Variants in DSCAM observed in about 807,000 individuals in gnomAD.
The protein encoded by DSCAM is DS cell adhesion molecule, also known as cell adhesion molecule DSCAM.
A neutral mutation model predicts 217.7 loss-of-function variants in DSCAM; 47 were observed. The ratio of observed to expected loss-of-function variants is 0.22; its 90% CI spans 0.17 to 0.28. The LOEUF (loss-of-function observed/expected upper bound fraction) is 0.28. Ranked by LOEUF, DSCAM falls within the 10% of genes least tolerant of loss-of-function variation. DSCAM has a pLI of 1.00. For missense variants in DSCAM, 2,080 were observed against 2,618.3 expected (o/e 0.79, Z 4.49); for synonymous variants, 1,056 against 1,015.3 (o/e 1.04, Z -0.76).
chr21:40,289,772 G>T (rs183140669), intron 10 of DSCAM, among the ~76,000 whole-genome samples: 1 of 152,190 alleles, frequency 6.6e-6, no homozygotes, highest in Non-Finnish European at 1.5e-5. Context: ...ATCCCCTGGG[G>T]GTCTTGGGGC....
At chr21:40,235,997 T>C (rs1444483794) in intron 11 of DSCAM, among the ~76,000 whole-genome samples, 1 of 152,230 alleles carries the variant, frequency 6.6e-6, no homozygotes, top group African/African-American at 2.4e-5. Context: ...GTGGCTGTAT[T>C]ATCAAGTACC....
At chr21:40,842,806 G>A (rs536029814) in intron 1 of DSCAM, among the ~76,000 whole-genome samples, 3 of 152,222 alleles carry the variant, frequency 2.0e-5, no homozygotes, top group South Asian at 4.2e-4. Flanking sequence ...CTGATCCCCC[G>A]AGGCAGCAAA....
intron 4 of DSCAM, among the ~76,000 whole-genome samples, chr21:40,359,046 G>A (rs1039947175): frequency 1.3e-5 from 2 of 152,054 alleles, no homozygotes; most frequent in Non-Finnish European, 1.5e-5. Context: ...ATATTACTAG[G>A]CATTAGGGTA....
chr21:40,089,888 G>A (rs1181128135), intron 21 of DSCAM, among the ~76,000 whole-genome samples: 1 of 151,978 alleles, frequency 6.6e-6, no homozygotes, highest in Non-Finnish European at 1.5e-5. Flanking sequence ...AAAAATCCAC[G>A]CAATAGAGCA....
intron 11 of DSCAM, among the ~76,000 whole-genome samples, chr21:40,268,530 ATT>A (rs2123354236): frequency 6.6e-6 from 1 of 151,746 alleles, no homozygotes; most frequent in South Asian, 2.1e-4. Flanking sequence ...AATAGGCGCA[ATT>A]ACCCCAAAGT....
At position 40,739,958 on chromosome 21, in the gene DSCAM, T is replaced by A. The variant is rs1054969854; in HGVS notation, c.44-31187A>T. ...CCTCTAGATGATGCAGGTGTAATTT[T>A]TTTTTTTTTTTTTTTTTTTTTTTTT... On this transcript the variant is annotated intron_variant, in intron 1 of 32. Transcript: ENST00000400454. Among the ~76,000 whole-genome samples, 32 of 51,222 alleles carry A rather than the reference T, an allele frequency of 6.2e-4. No individual in the cohort carries two copies. In the African/African-American group the frequency reaches 8.4e-3, roughly 13 times the overall value. The allele number at this position is 51,222 out of a possible 152,430, so 33.6% of individuals were successfully genotyped here. A position where few individuals can be genotyped will look rare whatever the true frequency, so the allele number is the denominator to read the frequency against.
chr21:40,473,714 G>A (rs1311476929), intron 3 of DSCAM, among the ~76,000 whole-genome samples: 2 of 152,138 alleles, frequency 1.3e-5, no homozygotes, highest in African/African-American at 2.4e-5. Flanking sequence ...GCCTACAAAG[G>A]GGTGATTAAG....
At chr21:40,286,517 T>C (rs1356375041) in intron 10 of DSCAM, among the ~76,000 whole-genome samples, 1 of 152,220 alleles carries the variant, frequency 6.6e-6, no homozygotes, top group Non-Finnish European at 1.5e-5. Flanking sequence ...CTGGGCCCTA[T>C]GAACGTGCTC....
At chr21:40,205,973 T>C (rs2091121411) in intron 11 of DSCAM, among the ~76,000 whole-genome samples, 1 of 152,194 alleles carries the variant, frequency 6.6e-6, no homozygotes, top group African/African-American at 2.4e-5. Flanking sequence ...ATATTCGACA[T>C]GGAACTATCT....
rs1389115948 is a variant in DSCAM at position 40,075,079 on chromosome 21, C to G, written c.4846G>C (p.Val1616Leu). 2 of 1,614,196 alleles carry G rather than the reference C, an allele frequency of 1.2e-6. No individual in the cohort carries two copies. The highest frequency in any genetic ancestry group is 2.2e-5 in the South Asian group (2 of 91,082). ...CTCTGCTCCCGCCGCCTCCTCCGCA[C>G]AACCAGCAGGAGCACAAACAGCAGC... ...VLLLFVLLLVVRRRRREQRLK... is the reference protein window; with the variant it reads ...VLLLFVLLLVLRRRRREQRLK... The change falls in exon 27 of 33, where the codon GTG (valine) becomes CTG (leucine). Residue 1616 changes from valine (V) to leucine (L), a missense_variant. By Grantham distance (32) the Val-to-Leu change is conservative. Coordinates refer to ENST00000400454, the MANE Select transcript of DSCAM (RefSeq NM_001389.5).
At chr21:40,217,032 C>T (rs2091250008) in intron 11 of DSCAM, among the ~76,000 whole-genome samples, 1 of 152,190 alleles carries the variant, frequency 6.6e-6, no homozygotes, top group Non-Finnish European at 1.5e-5. Flanking sequence ...GATTTCTCTC[C>T]TCAAACTCTA....
chr21:40,163,070 AACACACACAC>A lies in DSCAM; in HGVS notation c.3018+4138_3018+4147del, dbSNP rs3069756. ...TTTTATTTTATGAGTGACCATGGCA[AACACACACAC>A]ACACACACACACACACACACACACA... On this transcript the variant is annotated intron_variant, in intron 16 of 32. Coordinates refer to ENST00000400454, the MANE Select transcript of DSCAM (RefSeq NM_001389.5). Among the ~76,000 whole-genome samples, 14 of 143,234 alleles carry A rather than the reference AACACACACAC, an allele frequency of 9.8e-5. 1 individual carries two copies. The highest frequency in any genetic ancestry group is 2.6e-4 in the African/African-American group (10 of 38,404). 94.0% of individuals were successfully genotyped at this position (143,234 alleles called of 152,430 possible). A position where few individuals can be genotyped will look rare whatever the true frequency, so the allele number is the denominator to read the frequency against.
intron 3 of DSCAM, among the ~76,000 whole-genome samples, chr21:40,676,465 A>T (rs1029673242): frequency 6.6e-6 from 1 of 152,222 alleles, no homozygotes; most frequent in African/African-American, 2.4e-5. Context: ...GGTTTTCTCT[A>T]CTTAGCGATG....
At chr21:40,142,840 A>G in intron 17 of DSCAM, 136 bp from the exon 18 acceptor site, 1 of 1,000,868 alleles carries the variant, frequency 1.0e-6, no homozygotes, top group Non-Finnish European at 1.5e-6. Flanking sequence ...AAGAAAAAAT[A>G]ACAAAGATCA....
At chr21:40,304,972 A>C (rs559766741) in intron 9 of DSCAM, among the ~76,000 whole-genome samples, 1 of 152,306 alleles carries the variant, frequency 6.6e-6, no homozygotes, top group South Asian at 2.1e-4. Context: ...GAATTACCAA[A>C]ATGTGACATA....
At chr21:40,182,295 C>A (rs1423684707) in intron 14 of DSCAM, among the ~76,000 whole-genome samples, 2 of 152,056 alleles carry the variant, frequency 1.3e-5, no homozygotes, top group African/African-American at 4.8e-5. Flanking sequence ...CTGTCTTATT[C>A]TTCTCAAGGA....
chr21:40,661,044 TC>T (rs1483154265), intron 3 of DSCAM, among the ~76,000 whole-genome samples: 2 of 152,192 alleles, frequency 1.3e-5, no homozygotes, highest in Non-Finnish European at 2.9e-5. Flanking sequence ...CACCCCAGGC[TC>T]ACTCACCCTT....
chr21:40,114,063 T>C (rs1223012654), intron 20 of DSCAM, among the ~76,000 whole-genome samples: 1 of 151,826 alleles, frequency 6.6e-6, no homozygotes, highest in Admixed American at 6.6e-5. Flanking sequence ...AAAAAACTAC[T>C]TTAAAGTTCA....
intron 19 of DSCAM, 84 bp from the exon 20 acceptor site, chr21:40,124,412 C>T: frequency 6.4e-7 from 1 of 1,554,856 alleles, no homozygotes; most frequent in Non-Finnish European, 8.8e-7. Flanking sequence ...CCCCACTCCG[C>T]ACTTACTGTT....
Sources: gnomAD v4.1 joint callset for allele counts (sites outside exome capture counted in the v4.1 genomes callset) on GRCh38, gnomAD v4.1.1 for gene constraint, MANE v1.5 for transcripts, NCBI Gene and HGNC (gene_info 2026-07-23, HGNC 2026-07-21) for gene names.